Variants in KCNN3 observed in about 807,000 individuals in gnomAD.
KCNN3 encodes potassium calcium-activated channel subfamily N member 3.
KCNN3 carries 16 observed loss-of-function variants against 62.9 expected under a neutral mutation model. The observed-to-expected ratio is 0.25, with a 90% confidence interval of 0.17 to 0.39. KCNN3 has a LOEUF of 0.39. Ranked by LOEUF, KCNN3 falls within the 10% of genes least tolerant of loss-of-function variation. KCNN3 has a pLI of 1.00. For synonymous variants in KCNN3, 370 were observed against 389.2 expected (o/e 0.95, Z 0.58); for missense variants, 599 against 949.4 (o/e 0.63, Z 4.85).
At chr1:154,720,504 A>G (rs1430653660) in intron 5 of KCNN3, among the ~76,000 whole-genome samples, 1 of 152,264 alleles carries the variant, frequency 6.6e-6, no homozygotes, top group Admixed American at 6.5e-5. Flanking sequence ...AATCTGGCAT[A>G]ACAATGACTA....
chr1:154,835,308 T>C (rs1651543416), intron 1 of KCNN3, among the ~76,000 whole-genome samples: 1 of 152,204 alleles, frequency 6.6e-6, no homozygotes, highest in Non-Finnish European at 1.5e-5. Flanking sequence ...AATATAATAA[T>C]CTCAAAAGTG....
At chr1:154,732,914 G>A (rs553746103) in intron 4 of KCNN3, 89 bp downstream of exon 4, 281 of 1,468,284 alleles carry the variant, frequency 1.9e-4, no homozygotes, top group Non-Finnish European at 2.5e-4. Context: ...CCCGCTCTGC[G>A]GCTAGGAAGG....
intron 3 of KCNN3, among the ~76,000 whole-genome samples, chr1:154,738,369 C>T (rs958745159): frequency 2.0e-5 from 3 of 152,194 alleles, no homozygotes; most frequent in African/African-American, 7.2e-5. Context: ...AATCAGAATT[C>T]CAAACCAGAG....
At chr1:154,812,861 G>A (rs974661129) in intron 2 of KCNN3, among the ~76,000 whole-genome samples, 10 of 152,218 alleles carry the variant, frequency 6.6e-5, no homozygotes, top group Non-Finnish European at 1.5e-4. Context: ...TAAGAGAAGG[G>A]ACAGAAGTTG....
At chr1:154,829,920 C>T (rs530382426) in intron 1 of KCNN3, among the ~76,000 whole-genome samples, 34 of 152,254 alleles carry the variant, frequency 2.2e-4, no homozygotes, top group African/African-American at 7.9e-4. Context: ...ACCATCTGAC[C>T]CCATTTTCCC....
chr1:154,805,748 G>T (rs1443829291), intron 2 of KCNN3, among the ~76,000 whole-genome samples: 1 of 152,138 alleles, frequency 6.6e-6, no homozygotes, highest in East Asian at 1.9e-4. Flanking sequence ...TTGGGTATGT[G>T]ATCTAATACC....
intron 2 of KCNN3, among the ~76,000 whole-genome samples, chr1:154,777,087 T>C (rs761851700): frequency 6.6e-6 from 1 of 152,252 alleles, no homozygotes; most frequent in Non-Finnish European, 1.5e-5. Flanking sequence ...TCCCACTTAC[T>C]GCGTGCCCCT....
intron 1 of KCNN3, among the ~76,000 whole-genome samples, chr1:154,854,214 G>A (rs986316115): frequency 3.3e-5 from 5 of 152,046 alleles, no homozygotes; most frequent in African/African-American, 9.7e-5. Context: ...CAGCCTGGGC[G>A]ACAGAGCAAG....
At chr1:154,851,701 A>G (rs1045791077) in intron 1 of KCNN3, among the ~76,000 whole-genome samples, 17 of 152,006 alleles carry the variant, frequency 1.1e-4, no homozygotes, top group African/African-American at 3.9e-4. Flanking sequence ...TACCAACTCA[A>G]TGCTACCACC....
At chr1:154,714,440 G>A (rs200643379) in intron 6 of KCNN3, among the ~76,000 whole-genome samples, 1 of 61,328 alleles carries the variant, frequency 1.6e-5, no homozygotes, top group African/African-American at 7.3e-5. Flanking sequence ...GTGTGTGGGG[G>A]GTGTGTGTGT....
chr1:154,726,019 C>T lies in KCNN3; in HGVS notation c.1598G>A (p.Gly533Asp). ...CACGGCCACCACAAGGGCAGTGCAG[C>T]CTGCACCCTGCGGGGGGACATCAAG... ...VCLLTGIMGA[G>D]CTALVVAVVA... is the part of the protein sequence containing the mutation. Residue 533 changes from glycine (G) to aspartate (D), a missense_variant, in exon 5 of 8, where the codon GGC (glycine) becomes GAC (aspartate). By Grantham distance (94) the Gly-to-Asp change is moderately conservative. Coordinates refer to ENST00000271915, the MANE Select transcript of KCNN3 (RefSeq NM_002249.6). 6.2e-7 allele frequency: 1 copy of T among 1,613,466 alleles called. No individual in the cohort carries two copies. Among genetic ancestry groups the T allele is most frequent in the Non-Finnish European group, 8.5e-7 (1 of 1,179,550 alleles).
intron 2 of KCNN3, among the ~76,000 whole-genome samples, chr1:154,778,624 T>TC (rs2101847411): frequency 6.9e-6 from 1 of 145,536 alleles, no homozygotes; most frequent in East Asian, 2.0e-4. Context: ...TTTTTTTTTT[T>TC]TTTTTTTTTT....
intron 2 of KCNN3, among the ~76,000 whole-genome samples, chr1:154,798,637 A>C (rs1368320910): frequency 6.6e-6 from 1 of 152,240 alleles, no homozygotes; most frequent in Non-Finnish European, 1.5e-5. Flanking sequence ...TCTTAAGGGT[A>C]ATGGGGACCA....
intron 1 of KCNN3, among the ~76,000 whole-genome samples, chr1:154,835,878 C>T (rs142902827): frequency 1.3e-5 from 2 of 152,304 alleles, no homozygotes; most frequent in Non-Finnish European, 2.9e-5. Context: ...TTACCCAAAG[C>T]CATACAGTTA....
At position 154,707,020 on chromosome 1, in the gene KCNN3, T is replaced by A. The variant is rs1053671383; in HGVS notation, c.*956A>T. The A allele has an allele frequency of 2.6e-5, 4 of 152,210 alleles. No homozygotes were observed. The highest frequency in any genetic ancestry group is 2.1e-4 in the South Asian group (1 of 4,830). The allele number at this position is 152,210 out of a possible 1,614,324, so 9.4% of individuals were successfully genotyped here. On this transcript the variant is annotated 3_prime_UTR_variant, in exon 8 of 8. Coordinates refer to ENST00000271915, the MANE Select transcript of KCNN3 (RefSeq NM_002249.6). ...GGATGGAAGAAGAAAACTCTGCAGA[T>A]GCTGTTATTTTTAGAAGCCTGCTTA...
At chr1:154,761,043 T>A (rs752352704) in intron 3 of KCNN3, among the ~76,000 whole-genome samples, 14 of 152,268 alleles carry the variant, frequency 9.2e-5, no homozygotes, top group Admixed American at 3.3e-4. Context: ...TGAGTTCCTA[T>A]GGAAGATGAG....
intron 2 of KCNN3, among the ~76,000 whole-genome samples, chr1:154,795,576 C>T (rs1046603250): frequency 3.3e-5 from 5 of 152,296 alleles, no homozygotes; most frequent in African/African-American, 4.8e-5. Context: ...CAAAGAGGCA[C>T]GGGCCTGGAC....
In KCNN3 at chr1:154,869,777, G is replaced by A; in HGVS notation, c.188C>T (p.Pro63Leu). 1 of 816,408 alleles carries A rather than the reference G, an allele frequency of 1.2e-6. No homozygotes were observed. Among genetic ancestry groups the A allele is most frequent in the Non-Finnish European group, 1.6e-6 (1 of 609,914 alleles). 50.6% of individuals were successfully genotyped at this position (816,408 alleles called of 1,614,324 possible). The change falls in exon 1 of 8, where the codon CCT becomes CTT. Residue 63 changes from proline (P) to leucine (L), a missense_variant. By Grantham distance (98) the Pro-to-Leu change is moderately conservative (BLOSUM62 -3). This residue lies in a region of KCNN3 where 7 missense variants were observed against 32.0 expected (regional missense o/e 0.22). Coordinates refer to ENST00000271915, the MANE Select transcript of KCNN3 (RefSeq NM_002249.6). The surrounding 1 kb of genome is among the most constrained non-coding windows in gnomAD (Gnocchi z 6.1). ...QPLGPSLQPQ[P>L]PQLQQQQQQQ... Reference sequence around the variant, plus strand: ...CTGCTGCTGCTGCTGAAGCTGCGGAGGCTGAGGCTGCAGCGAGGGTCCCAG... The same window carrying A: ...CTGCTGCTGCTGCTGAAGCTGCGGAAGCTGAGGCTGCAGCGAGGGTCCCAG...
intron 2 of KCNN3, among the ~76,000 whole-genome samples, chr1:154,774,220 G>A (rs558303080): frequency 6.6e-6 from 1 of 152,326 alleles, no homozygotes; most frequent in East Asian, 1.9e-4. Context: ...CGGTCTTTCT[G>A]TAAAATGACA....
Sources: allele counts gnomAD v4.1 joint callset (sites outside exome capture counted in the v4.1 genomes callset), GRCh38; gene constraint gnomAD v4.1.1; regional missense constraint gnomAD v4.1.1; non-coding constraint Gnocchi (gnomAD v3.1); transcripts MANE v1.5; gene names NCBI Gene and HGNC (gene_info 2026-07-23, HGNC 2026-07-21).